Variants in TRIM49 observed in about 807,000 individuals in gnomAD.
TRIM49 encodes tripartite motif containing 49, also known as tripartite motif-containing protein 49.
TRIM49 carries 5 observed loss-of-function variants against 27.4 expected under a neutral mutation model. The ratio of observed to expected loss-of-function variants is 0.18; its 90% CI spans 0.10 to 0.38. TRIM49 has a LOEUF of 0.38. TRIM49 is among the 10% of genes least tolerant of loss of function. The pLI is 1.00. For missense variants in TRIM49, 188 were observed against 487.5 expected (o/e 0.39, Z 5.79); for synonymous variants, 69 against 166.0 (o/e 0.42, Z 4.49).
the TRIM49 span, among the ~76,000 whole-genome samples, chr11:89,769,915 G>T: frequency 2.5e-5 from 3 of 121,818 alleles, no homozygotes; most frequent in Middle Eastern, 7.7e-3. Context: ...AGAGTCCAGT[G>T]TACATGTTTA....
downstream of TRIM49, among the ~76,000 whole-genome samples, chr11:89,792,904 C>T (rs372960528): frequency 1.9e-3 from 291 of 152,084 alleles, no homozygotes; most frequent in East Asian, 0.053. Flanking sequence ...CAGAGCAGAA[C>T]TGAAGGAGAT....
chr11:89,787,054 C>T, the TRIM49 span: 675 of 140,248 alleles, frequency 4.8e-3, 45 homozygotes, highest in African/African-American at 0.021. Flanking sequence ...ACGTCCGCCT[C>T]ATGCAGAGGC....
intron 2 of TRIM49, among the ~76,000 whole-genome samples, chr11:89,805,758 C>T (rs1481857929): frequency 1.3e-5 from 2 of 148,282 alleles, no homozygotes; most frequent in Non-Finnish European, 3.0e-5. Context: ...CCTTCTGTCA[C>T]GCAGGCTGAA....
At chr11:89,794,528 G>A (rs377484309), downstream of TRIM49, among the ~76,000 whole-genome samples, 1 of 150,928 alleles carries the variant, frequency 6.6e-6, no homozygotes, top group South Asian at 2.1e-4. Context: ...TCGGACTCGT[G>A]CCGAAACAGA....
At chr11:89,772,589 T>A in the TRIM49 span, among the ~76,000 whole-genome samples, 1 of 130,858 alleles carries the variant, frequency 7.6e-6, no homozygotes, top group African/African-American at 3.8e-5. Context: ...GGAAATAAAA[T>A]TTTTTTAGCT....
At chr11:89,791,090 G>A in the TRIM49 span, among the ~76,000 whole-genome samples, 1 of 150,500 alleles carries the variant, frequency 6.6e-6, no homozygotes, top group African/African-American at 2.5e-5. Flanking sequence ...GGAGAACTAC[G>A]TGATGAATGC....
At chr11:89,786,167 G>C in the TRIM49 span, 1 of 96,844 alleles carries the variant, frequency 1.0e-5, no homozygotes, top group South Asian at 3.5e-4. Context: ...GGCGTGGAGA[G>C]CGTACCGGAG....
rs1446213397 is a variant in TRIM49, at chr11:89,804,817, CAATAACTGATG to C, written c.-4-355_-4-345del. Reference sequence around the variant, plus strand: ...ATCATAGTTGTCCCTATTCTTCTTTCAATAACTGATGAATGACTGTGAAAGAGTGGGAGGGA... The same window carrying C: ...ATCATAGTTGTCCCTATTCTTCTTTCAATGACTGTGAAAGAGTGGGAGGGA... On this transcript the variant is annotated intron_variant, in intron 2 of 7. Transcript: ENST00000329758. Among the ~76,000 whole-genome samples, 10 of 151,412 alleles carry C rather than the reference CAATAACTGATG, an allele frequency of 6.6e-5. No individual in the cohort carries two copies. The East Asian group carries it at 1.6e-3, about 24-fold the overall frequency.
the TRIM49 span, among the ~76,000 whole-genome samples, chr11:89,778,356 G>GT: frequency 1.3e-5 from 2 of 151,056 alleles, no homozygotes; most frequent in Non-Finnish European, 3.0e-5. Flanking sequence ...TATAGTAAAA[G>GT]TAAAAAAAAA....
intron 2 of TRIM49, among the ~76,000 whole-genome samples, chr11:89,805,875 G>T (rs1949786037): frequency 1.3e-5 from 2 of 149,604 alleles, no homozygotes; most frequent in Admixed American, 1.3e-4. Flanking sequence ...GTGACACTAG[G>T]CCTGGCTAAT....
At chr11:89,771,478 CTT>C in the TRIM49 span, among the ~76,000 whole-genome samples, 13 of 110,224 alleles carry the variant, frequency 1.2e-4, 4 homozygotes, top group African/African-American at 5.3e-4. Flanking sequence ...ATCAAAATGA[CTT>C]ATCAATAATT....
At chr11:89,804,855 A>G (rs945526654) in intron 2 of TRIM49, among the ~76,000 whole-genome samples, 7 of 151,446 alleles carry the variant, frequency 4.6e-5, no homozygotes, top group African/African-American at 1.7e-4. Context: ...TGGGAGGGAA[A>G]AAACTACCCG....
chr11:89,790,269 T>G, the TRIM49 span, among the ~76,000 whole-genome samples: 13 of 139,182 alleles, frequency 9.3e-5, no homozygotes, highest in Admixed American at 4.3e-4. Flanking sequence ...AAGCTTAAAC[T>G]GGGTGGAGCC....
the TRIM49 span, chr11:89,776,937 A>G: frequency 6.6e-7 from 1 of 1,518,870 alleles, no homozygotes. Context: ...AAATAAAAAT[A>G]AGAGAAAGAA....
At chr11:89,791,892 A>T in the TRIM49 span, among the ~76,000 whole-genome samples, 1 of 150,422 alleles carries the variant, frequency 6.6e-6, no homozygotes, top group African/African-American at 2.4e-5. Flanking sequence ...CACACATAAC[A>T]ATATTAACCT....
At chr11:89,792,553 C>G in the TRIM49 span, among the ~76,000 whole-genome samples, 2 of 152,106 alleles carry the variant, frequency 1.3e-5, no homozygotes, top group African/African-American at 4.8e-5. Flanking sequence ...TCTCTCAGAC[C>G]ACAGCGCAAT....
At chr11:89,773,033 A>G in the TRIM49 span, among the ~76,000 whole-genome samples, 1 of 136,292 alleles carries the variant, frequency 7.3e-6, no homozygotes, top group Admixed American at 6.9e-5. Flanking sequence ...TCTACTAAAA[A>G]TACCAAAATT....
chr11:89,774,433 C>A, the TRIM49 span, among the ~76,000 whole-genome samples: 1 of 150,336 alleles, frequency 6.7e-6, no homozygotes, highest in Non-Finnish European at 1.5e-5. Flanking sequence ...GCCAATTTAT[C>A]CCTTTCTATG....
In TRIM49 at chr11:89,804,463, A is replaced by G. The variant is rs1292951022; in HGVS notation, c.7T>C (p.Ser3Pro). The G allele has an allele frequency of 6.3e-7, 1 of 1,590,954 alleles. No homozygotes were observed. The highest frequency in any genetic ancestry group is 1.5e-5 in the African/African-American group (1 of 65,184). The change falls in exon 3 of 8, where the codon TCT becomes CCT. Residue 3 changes from serine (S) to proline (P), a missense_variant. Ser to Pro is a moderately conservative substitution (Grantham distance 74). Transcript: ENST00000329758. ...CCCTGAAAGACCTGTAAGATTCCAG[A>G]ATTCATGTTTCTGAGGAACAAAGAG... MN[S>P]GILQVFQGEL...
Sources: allele counts gnomAD v4.1 joint callset (sites outside exome capture counted in the v4.1 genomes callset), GRCh38; gene constraint gnomAD v4.1.1; transcripts MANE v1.5; gene names NCBI Gene and HGNC (gene_info 2026-07-23, HGNC 2026-07-21).